Variants in EFHB observed in about 807,000 individuals in gnomAD.
EFHB encodes EF-hand domain-containing family member B.
EFHB carries 91 observed loss-of-function variants against 87.2 expected under a neutral mutation model. The ratio of observed to expected loss-of-function variants is 1.04; its 90% CI spans 0.88 to 1.24. The LOEUF is 1.24. Ranked by LOEUF, EFHB falls within the 50% of genes most tolerant of loss-of-function variation. The probability of loss-of-function intolerance (pLI) is 0.00; values close to 1 mark genes in which losing one functional copy is unlikely to be tolerated. For synonymous variants in EFHB, 325 were observed against 333.6 expected (o/e 0.97, Z 0.28); for missense variants, 1,084 against 998.8 (o/e 1.09, Z -1.15).
chr3:19,913,454 T>C (rs923384864), intron 5 of EFHB, among the ~76,000 whole-genome samples: 4 of 152,132 alleles, frequency 2.6e-5, no homozygotes, highest in Admixed American at 1.3e-4. Context: ...TTAAACACAA[T>C]AGCCACACAT....
At chr3:19,940,647 C>A in intron 1 of EFHB, 1 of 386,606 alleles carries the variant, frequency 2.6e-6, no homozygotes, top group South Asian at 2.0e-5. Context: ...TAATGTCTTT[C>A]TTGCTAAAAT....
At chr3:19,907,026 A>T (rs183773924) in intron 5 of EFHB, among the ~76,000 whole-genome samples, 1 of 152,000 alleles carries the variant, frequency 6.6e-6, no homozygotes. Context: ...CCATACACAA[A>T]AATCAACTAA....
chr3:19,939,504 C>T (rs1559479983), intron 1 of EFHB, among the ~76,000 whole-genome samples: 1 of 150,818 alleles, frequency 6.6e-6, no homozygotes, highest in Non-Finnish European at 1.5e-5. Context: ...CCCGCCTCAG[C>T]CTCTAGAGTA....
chr3:19,936,194 A>C (rs946934106), upstream of EFHB: 1 of 1,094,162 alleles, frequency 9.1e-7, no homozygotes, highest in Non-Finnish European at 1.3e-6. Context: ...TAACGCCAAG[A>C]ATTCAATTAG....
At position 19,933,552 on chromosome 3, in the gene EFHB, T is replaced by G; in HGVS notation, c.467A>C (p.Glu156Ala). The G allele has an allele frequency of 6.2e-7, 1 of 1,613,924 alleles. No individual in the cohort carries two copies. The highest frequency in any genetic ancestry group is 1.1e-5 in the South Asian group (1 of 91,078). Reference protein sequence around the residue: ...PLASGPEGVEELVGKPAFVME... With the variant: ...PLASGPEGVEALVGKPAFVME... ...AACGAAAGCAGGCTTTCCCACTAAT[T>G]CCTCTACCCCTTCAGGGCCACTAGC... The change falls in exon 1 of 13, where the codon GAA becomes GCA. Residue 156 changes from glutamate (E) to alanine (A), a missense_variant. Transcript: ENST00000295824.
chr3:19,921,945 A>G (rs1456559562), intron 1 of EFHB, among the ~76,000 whole-genome samples: 1 of 152,094 alleles, frequency 6.6e-6, no homozygotes, highest in Non-Finnish European at 1.5e-5. Context: ...TAGGTGGACC[A>G]TTTGAGGTCA....
chr3:19,920,567 C>A lies in EFHB; in HGVS notation c.790G>T (p.Ala264Ser). 2 of 1,590,780 alleles carry A rather than the reference C, an allele frequency of 1.3e-6. No homozygotes were observed. Among genetic ancestry groups the A allele is most frequent in the African/African-American group, 1.4e-5 (1 of 73,526 alleles). Residue 264 changes from alanine (A) to serine (S), a missense_variant and splice_region_variant, in exon 2 of 13, where the codon GCA (alanine) becomes TCA (serine). By Grantham distance (99) the Ala-to-Ser change is moderately conservative (BLOSUM62 1). Transcript: ENST00000295824. ...TAACCAACTGGAATAACTTTTCCTG[C>A]CTTTGGGGGAAAAAAATGGGTTGAT... Reference protein sequence around the residue: ...FFDRTPCWPSAGKVIPVGYRV... With the variant: ...FFDRTPCWPSSGKVIPVGYRV...
At chr3:19,889,554 T>C (rs1694230107) in intron 9 of EFHB, among the ~76,000 whole-genome samples, 1 of 152,192 alleles carries the variant, frequency 6.6e-6, no homozygotes, top group South Asian at 2.1e-4. Flanking sequence ...ACAATGCTGA[T>C]GGAGGCAATC....
Position 19,884,389 on chromosome 3 carries a change from A to C in EFHB, c.2146+14T>G, listed in dbSNP as rs768295969. On this transcript the variant is annotated intron_variant, in intron 11 of 12. Transcript: ENST00000295824. ...TTGTTGATGCTTTTAAAACTTGACA[A>C]ATAAGTGACATACAAGTAGAAGGAA... 1.2e-6 allele frequency: 2 copies of C among 1,609,568 alleles called. No individual in the cohort carries two copies. Among genetic ancestry groups the C allele is most frequent in the South Asian group, 1.1e-5 (1 of 90,510 alleles).
At chr3:19,897,172 C>T (rs1005954827) in intron 8 of EFHB, among the ~76,000 whole-genome samples, 1 of 152,234 alleles carries the variant, frequency 6.6e-6, no homozygotes, top group Non-Finnish European at 1.5e-5. Flanking sequence ...GGCCATTTGT[C>T]TACAGTGCTG....
chr3:19,936,761 G>C (rs1022338268), upstream of EFHB, among the ~76,000 whole-genome samples: 1 of 151,730 alleles, frequency 6.6e-6, no homozygotes, highest in African/African-American at 2.4e-5. Context: ...CCAGCTACTA[G>C]GGAGGCTGAG....
chr3:19,893,063 G>C (rs1400188658), intron 9 of EFHB, among the ~76,000 whole-genome samples: 1 of 151,624 alleles, frequency 6.6e-6, no homozygotes, highest in Non-Finnish European at 1.5e-5. Context: ...GCAATCTCCT[G>C]CCTCAGCTTC....
intron 4 of EFHB, among the ~76,000 whole-genome samples, chr3:19,916,734 T>C (rs564256116): frequency 9.8e-5 from 15 of 152,304 alleles, no homozygotes; most frequent in African/African-American, 3.6e-4. Context: ...GATAATAATT[T>C]GTAAATGTAA....
intron 12 of EFHB, among the ~76,000 whole-genome samples, chr3:19,881,633 A>G (rs2071678609): frequency 6.6e-6 from 1 of 152,174 alleles, no homozygotes; most frequent in Non-Finnish European, 1.5e-5. Flanking sequence ...GTAAGAAAGC[A>G]TCAGCCTCTG....
At position 19,903,518 on chromosome 3, in the gene EFHB, A is replaced by C. The variant is rs1379784097; in HGVS notation, c.1418+2102T>G. Among the ~76,000 whole-genome samples the C allele has an allele frequency of 3.3e-5, 5 of 152,066 alleles. No individual in the cohort carries two copies. The South Asian group carries it at 6.2e-4, about 19-fold the overall frequency. ...AATTATAAATATCTGTAGTCCTTAA[A>C]TATTTAAATAATATCTTCATACTTT... On this transcript the variant is annotated intron_variant, in intron 6 of 12. Coordinates refer to ENST00000295824, the MANE Select transcript of EFHB (RefSeq NM_144715.4).
At chr3:19,937,237 C>A (rs949505945), upstream of EFHB, among the ~76,000 whole-genome samples, 2 of 151,834 alleles carry the variant, frequency 1.3e-5, no homozygotes, top group Non-Finnish European at 2.9e-5. Flanking sequence ...CTCCTTAGTT[C>A]TTTTTTTATG....
chr3:19,924,612 C>G (rs1487666908), intron 1 of EFHB, among the ~76,000 whole-genome samples: 1 of 152,200 alleles, frequency 6.6e-6, no homozygotes, highest in Non-Finnish European at 1.5e-5. Flanking sequence ...TCAATGTACA[C>G]CAGTTTGGTC....
Position 19,884,509 on chromosome 3 carries a change from T to C in EFHB, c.2040A>G (p.Thr680=). The C allele has an allele frequency of 1.2e-6, 2 of 1,614,038 alleles. No individual in the cohort carries two copies. Among genetic ancestry groups the C allele is most frequent in the Non-Finnish European group, 8.5e-7 (1 of 1,179,890 alleles). The part of the protein sequence containing the change: ...EDIVLKEAGS[T]EKTLRTLLRP... ...TCAGAAGTGTCCGGAGAGTCTTTTC[T>C]GTGCTTCCTGCTTCTTTTAAGACAA... The change falls in exon 11 of 13, where the codon ACA becomes ACG. Residue 680 remains threonine, a synonymous_variant. Transcript: ENST00000295824.
Position 19,888,528 on chromosome 3 carries a change from T to C in EFHB, c.1849A>G (p.Ile617Val). Residue 617 changes from isoleucine (I) to valine (V), a missense_variant, in exon 10 of 13, where the codon ATT (isoleucine) becomes GTT (valine). Transcript: ENST00000295824. ...DYCDVDNDGF[I>V]NYLEFANFLN... Reference sequence around the variant, plus strand: ...AAATTTGCGAATTCCAGATAGTTAATGAAGCCATCATTATCCACATCACAG... The same window carrying C: ...AAATTTGCGAATTCCAGATAGTTAACGAAGCCATCATTATCCACATCACAG... 2 of 1,586,218 alleles carry C rather than the reference T, an allele frequency of 1.3e-6. No individual in the cohort carries two copies. Among genetic ancestry groups the C allele is most frequent in the Non-Finnish European group, 1.7e-6 (2 of 1,164,576 alleles).
Sources: allele counts gnomAD v4.1 joint callset (sites outside exome capture counted in the v4.1 genomes callset), GRCh38; gene constraint gnomAD v4.1.1; transcripts MANE v1.5; gene names NCBI Gene and HGNC (gene_info 2026-07-23, HGNC 2026-07-21).